Variants in CTNNA3 observed in about 807,000 individuals in gnomAD.
CTNNA3 encodes catenin alpha-3.
A neutral mutation model predicts 95.7 loss-of-function variants in CTNNA3; 76 were observed. The ratio of observed to expected loss-of-function variants is 0.79; its 90% CI spans 0.66 to 0.96. The LOEUF (loss-of-function observed/expected upper bound fraction) is 0.96. CTNNA3 is among the 40% of genes least tolerant of loss of function. The pLI is 0.00. For synonymous variants in CTNNA3, 431 were observed against 374.4 expected (o/e 1.15, Z -1.74); for missense variants, 1,191 against 1,089.8 (o/e 1.09, Z -1.31).
intron 16 of CTNNA3, among the ~76,000 whole-genome samples, chr10:65,981,861 G>T (rs1589213038): frequency 2.0e-5 from 3 of 151,810 alleles, no homozygotes; most frequent in East Asian, 1.9e-4. Flanking sequence ...GTGAATGAAA[G>T]AATTAAATCT....
intron 4 of CTNNA3, among the ~76,000 whole-genome samples, chr10:67,535,093 C>T (rs1034566740): frequency 1.3e-5 from 2 of 152,046 alleles, no homozygotes; most frequent in African/African-American, 2.4e-5. Context: ...TCCTTTATAA[C>T]TGGGATTACT....
intron 5 of CTNNA3, among the ~76,000 whole-genome samples, chr10:67,496,704 G>A (rs572473454): frequency 4.1e-4 from 62 of 152,146 alleles, no homozygotes; most frequent in South Asian, 2.9e-3. Flanking sequence ...AATTTGTAGC[G>A]CTGTCCTAAT....
intron 6 of CTNNA3, among the ~76,000 whole-genome samples, chr10:67,184,592 A>T (rs1862745225): frequency 6.6e-6 from 1 of 152,176 alleles, no homozygotes; most frequent in African/African-American, 2.4e-5. Context: ...GTCCTTTTCA[A>T]TTAAGACATG....
intron 13 of CTNNA3, among the ~76,000 whole-genome samples, chr10:66,122,198 A>G (rs1409235705): frequency 6.6e-6 from 1 of 152,194 alleles, no homozygotes; most frequent in East Asian, 1.9e-4. Context: ...AATCACTGTA[A>G]CAAAAATGAA....
At chr10:66,605,851 A>T (rs1370612053) in intron 10 of CTNNA3, among the ~76,000 whole-genome samples, 1 of 152,166 alleles carries the variant, frequency 6.6e-6, no homozygotes. Context: ...ACAAAAACAC[A>T]CTTTTAAATA....
At chr10:66,584,177 T>C (rs950596868) in intron 10 of CTNNA3, among the ~76,000 whole-genome samples, 2 of 151,964 alleles carry the variant, frequency 1.3e-5, no homozygotes, top group African/African-American at 4.8e-5. Flanking sequence ...GAATGTTCTG[T>C]AAATATCTGT....
At chr10:66,787,423 G>A (rs79721673) in intron 7 of CTNNA3, among the ~76,000 whole-genome samples, 1 of 152,138 alleles carries the variant, frequency 6.6e-6, no homozygotes, top group Admixed American at 6.5e-5. Context: ...TACTTAGGGG[G>A]TGAGGTTGGA....
intron 7 of CTNNA3, among the ~76,000 whole-genome samples, chr10:67,052,321 T>A (rs1855153933): frequency 7.7e-6 from 1 of 129,776 alleles, no homozygotes; most frequent in Non-Finnish European, 1.8e-5. Flanking sequence ...TCACTCTCTC[T>A]CTCTCTCTCT....
intron 12 of CTNNA3, among the ~76,000 whole-genome samples, chr10:66,351,698 G>T (rs1378605803): frequency 6.6e-6 from 1 of 151,986 alleles, no homozygotes; most frequent in African/African-American, 2.4e-5. Flanking sequence ...TTAGTAGCAT[G>T]GAGAATTTGG....
At chr10:66,242,117 C>T (rs2090137615) in intron 13 of CTNNA3, among the ~76,000 whole-genome samples, 1 of 152,128 alleles carries the variant, frequency 6.6e-6, no homozygotes, top group African/African-American at 2.4e-5. Flanking sequence ...CCCTGTGCCA[C>T]TTCAGAACTC....
intron 9 of CTNNA3, among the ~76,000 whole-genome samples, chr10:66,628,878 G>T (rs185321176): frequency 6.6e-6 from 1 of 152,240 alleles, no homozygotes; most frequent in Admixed American, 6.5e-5. Context: ...TAGATGTGTA[G>T]TTAAGAGGGG....
At chr10:65,976,660 T>C (rs1294362128) in intron 16 of CTNNA3, among the ~76,000 whole-genome samples, 1 of 152,170 alleles carries the variant, frequency 6.6e-6, no homozygotes, top group Non-Finnish European at 1.5e-5. Flanking sequence ...TTCTTTCCCA[T>C]TGACATGCAG....
At chr10:67,584,982 A>G (rs1589455289) in intron 3 of CTNNA3, among the ~76,000 whole-genome samples, 2 of 152,298 alleles carry the variant, frequency 1.3e-5, no homozygotes, top group Non-Finnish European at 2.9e-5. Flanking sequence ...TTCCTTGGCT[A>G]AGAAAGTGAA....
At chr10:67,397,691 C>T (rs1844759927) in intron 5 of CTNNA3, among the ~76,000 whole-genome samples, 2 of 152,224 alleles carry the variant, frequency 1.3e-5, no homozygotes, top group African/African-American at 4.8e-5. Context: ...AGCAGCCCCT[C>T]CCATTACAGG....
At chr10:67,168,449 T>C (rs953128352) in intron 7 of CTNNA3, among the ~76,000 whole-genome samples, 3 of 152,112 alleles carry the variant, frequency 2.0e-5, no homozygotes, top group African/African-American at 7.2e-5. Context: ...TCAAGTAGAC[T>C]TCATCCCCAG....
Position 66,820,642 on chromosome 10 carries a change from TAAA to T in CTNNA3, c.1048-45121_1048-45119del, listed in dbSNP as rs58323145. Reference sequence around the variant, plus strand: ...ACATACTCCAAAAAGGAAGTGAAAGTAAAAAAAAAAAAAAAAAATTGTCCATGT... The same window carrying T: ...ACATACTCCAAAAAGGAAGTGAAAGTAAAAAAAAAAAAAAATTGTCCATGT... On this transcript the variant is annotated intron_variant, in intron 7 of 17. Transcript: ENST00000433211. Among the ~76,000 whole-genome samples the T allele has an allele frequency of 6.1e-4, 79 of 129,488 alleles. 2 individuals are homozygous for T. In the East Asian group the frequency reaches 0.015, roughly 25 times the overall value. The allele number at this position is 129,488 out of a possible 152,430, so 84.9% of individuals were successfully genotyped here.
At chr10:65,959,805 C>T (rs966993943) in intron 17 of CTNNA3, among the ~76,000 whole-genome samples, 6 of 152,204 alleles carry the variant, frequency 3.9e-5, no homozygotes, top group South Asian at 2.1e-4. Flanking sequence ...CCTGAGCCAC[C>T]GTACCTGGCA....
chr10:66,441,608 A>G (rs1250425885), intron 11 of CTNNA3, among the ~76,000 whole-genome samples: 1 of 152,244 alleles, frequency 6.6e-6, no homozygotes. Flanking sequence ...ATTTGTAAAG[A>G]ACAGATTGCT....
chr10:66,396,691 T>G (rs185577918), intron 11 of CTNNA3, among the ~76,000 whole-genome samples: 1 of 152,064 alleles, frequency 6.6e-6, no homozygotes, highest in African/African-American at 2.4e-5. Flanking sequence ...AGTTCCCAAA[T>G]TATCACCCTC....
Sources: allele counts gnomAD v4.1 joint callset (sites outside exome capture counted in the v4.1 genomes callset), GRCh38; gene constraint gnomAD v4.1.1; transcripts MANE v1.5; gene names NCBI Gene and HGNC (gene_info 2026-07-23, HGNC 2026-07-21).